The following DCC variants were observed in gnomAD, a reference collection of about 807,000 sequenced individuals.
DCC encodes DCC netrin 1 receptor, also known as netrin receptor DCC.
DCC carries 58 observed loss-of-function variants against 172.5 expected under a neutral mutation model. The ratio of observed to expected loss-of-function variants is 0.34; its 90% confidence interval spans 0.27 to 0.42. The LOEUF (loss-of-function observed/expected upper bound fraction) is 0.42, where lower values mean the gene tolerates loss of function less well. DCC is among the 10% of genes least tolerant of loss of function. The probability of loss-of-function intolerance (pLI) is 1.00; values close to 1 mark genes in which losing one functional copy is unlikely to be tolerated. For missense variants in DCC, 1,740 were observed against 1,791.0 expected (o/e 0.97, Z 0.51); for synonymous variants, 709 against 644.5 (o/e 1.10, Z -1.52).
chr18:53,301,220 G>T (rs2057137201), intron 12 of DCC, among the ~76,000 whole-genome samples: 1 of 151,620 alleles, frequency 6.6e-6, no homozygotes, highest in Non-Finnish European at 1.5e-5. Flanking sequence ...CTCCCAAGTA[G>T]GTGGGATTAC....
intron 5 of DCC, among the ~76,000 whole-genome samples, chr18:52,948,966 C>T (rs1413364373): frequency 6.6e-6 from 1 of 152,172 alleles, no homozygotes; most frequent in Non-Finnish European, 1.5e-5. Context: ...GCTTGTAACC[C>T]TTATGCAAAG....
At chr18:52,778,542 T>C (rs895764371) in intron 2 of DCC, among the ~76,000 whole-genome samples, 1 of 152,144 alleles carries the variant, frequency 6.6e-6, no homozygotes, top group East Asian at 1.9e-4. Flanking sequence ...AATAGACCCT[T>C]TCCCCATCAA....
intron 7 of DCC, among the ~76,000 whole-genome samples, chr18:53,099,217 G>A (rs944874353): frequency 6.6e-6 from 1 of 151,964 alleles, no homozygotes; most frequent in African/African-American, 2.4e-5. Flanking sequence ...TCTCCTGAAA[G>A]AAGAACATTT....
intron 1 of DCC, among the ~76,000 whole-genome samples, chr18:52,646,001 A>G (rs974061492): frequency 1.3e-5 from 2 of 152,170 alleles, no homozygotes; most frequent in Non-Finnish European, 2.9e-5. Context: ...AAAGGAAAGC[A>G]TTACTTTAGA....
chr18:52,927,969 T>C (rs1282216562), intron 5 of DCC, among the ~76,000 whole-genome samples: 5 of 152,140 alleles, frequency 3.3e-5, no homozygotes, highest in Non-Finnish European at 7.4e-5. Flanking sequence ...TACATGCGTA[T>C]GTTCATTGCA....
At chr18:53,163,186 ATCATGCC>A (rs1391600298) in intron 8 of DCC, among the ~76,000 whole-genome samples, 1 of 152,240 alleles carries the variant, frequency 6.6e-6, no homozygotes, top group Non-Finnish European at 1.5e-5. Context: ...AGTGTCCAGT[ATCATGCC>A]TCATGTAAAC....
intron 2 of DCC, among the ~76,000 whole-genome samples, chr18:52,772,303 A>G (rs1200906304): frequency 6.6e-6 from 1 of 152,242 alleles, no homozygotes; most frequent in Non-Finnish European, 1.5e-5. Context: ...ATGGATATCA[A>G]GAGAATAATA....
intron 1 of DCC, among the ~76,000 whole-genome samples, chr18:52,581,287 G>T (rs1484735419): frequency 7.3e-6 from 1 of 136,480 alleles, no homozygotes; most frequent in Non-Finnish European, 1.6e-5. Flanking sequence ...CTTCATAAAG[G>T]CTTGTTGTAT....
intron 27 of DCC, among the ~76,000 whole-genome samples, chr18:53,502,840 CT>C (rs57011876): frequency 5.4e-5 from 8 of 148,916 alleles, no homozygotes; most frequent in African/African-American, 9.8e-5. Context: ...TGTGAATTTG[CT>C]TTTTTTTTTA....
At chr18:52,487,334 T>G (rs1239950905) in intron 1 of DCC, among the ~76,000 whole-genome samples, 1 of 152,158 alleles carries the variant, frequency 6.6e-6, no homozygotes, top group Non-Finnish European at 1.5e-5. Context: ...AGGAGGCTGT[T>G]AAACTGAACT....
At chr18:52,825,030 C>T (rs909171949) in intron 2 of DCC, among the ~76,000 whole-genome samples, 1 of 151,934 alleles carries the variant, frequency 6.6e-6, no homozygotes, top group African/African-American at 2.4e-5. Context: ...TTCTGAAGGT[C>T]TGCCTATTGA....
chr18:53,107,530 A>G (rs906266928), intron 7 of DCC, among the ~76,000 whole-genome samples: 11 of 118,998 alleles, frequency 9.2e-5, no homozygotes, highest in Admixed American at 5.5e-4. Flanking sequence ...CCAAAAAAAA[A>G]AAAAAGGAAG....
At chr18:52,921,034 G>A (rs975511096) in intron 3 of DCC, among the ~76,000 whole-genome samples, 7 of 152,108 alleles carry the variant, frequency 4.6e-5, no homozygotes, top group African/African-American at 1.7e-4. Flanking sequence ...TGGCAGGAGT[G>A]TAATGAATAG....
At chr18:53,415,009 C>T (rs1010994471) in intron 20 of DCC, among the ~76,000 whole-genome samples, 1 of 151,698 alleles carries the variant, frequency 6.6e-6, no homozygotes, top group African/African-American at 2.4e-5. Flanking sequence ...AGACATAAAC[C>T]CTGTTCATCT....
At chr18:53,311,821 C>T (rs562025994) in intron 13 of DCC, among the ~76,000 whole-genome samples, 3 of 152,178 alleles carry the variant, frequency 2.0e-5, no homozygotes, top group Admixed American at 6.5e-5. Flanking sequence ...CATGGTCAAC[C>T]AGCTAATAAG....
intron 8 of DCC, among the ~76,000 whole-genome samples, chr18:53,164,911 G>A (rs1408537353): frequency 1.3e-5 from 2 of 152,068 alleles, no homozygotes; most frequent in African/African-American, 4.8e-5. Flanking sequence ...TGTTCAGAAA[G>A]ACTGAAAAAT....
chr18:53,288,501 T>C (rs954064562), intron 12 of DCC, among the ~76,000 whole-genome samples: 4 of 152,308 alleles, frequency 2.6e-5, no homozygotes, highest in Non-Finnish European at 4.4e-5. Flanking sequence ...TTGGCTTTAA[T>C]CTCAATTTTA....
intron 1 of DCC, among the ~76,000 whole-genome samples, chr18:52,634,316 T>C (rs1361385466): frequency 1.3e-5 from 2 of 152,222 alleles, no homozygotes; most frequent in Non-Finnish European, 2.9e-5. Context: ...CAAAACCTAA[T>C]GCATTATGCA....
chr18:52,705,315 A>G (rs916065400), intron 1 of DCC, among the ~76,000 whole-genome samples: 1 of 152,160 alleles, frequency 6.6e-6, no homozygotes, highest in African/African-American at 2.4e-5. Flanking sequence ...GATTTATGGG[A>G]AAATGGAGAA....
Sources: gnomAD v4.1 joint callset for allele counts (sites outside exome capture counted in the v4.1 genomes callset) on GRCh38, gnomAD v4.1.1 for gene constraint, MANE v1.5 for transcripts, NCBI Gene and HGNC (gene_info 2026-07-23, HGNC 2026-07-21) for gene names.